Variants in ROBO2 observed in about 807,000 individuals in gnomAD.
The protein encoded by ROBO2 is roundabout guidance receptor 2, also known as roundabout homolog 2.
ROBO2 carries 53 observed loss-of-function variants against 160.8 expected under a neutral mutation model. The ratio of observed to expected loss-of-function variants is 0.33; its 90% CI spans 0.26 to 0.41. The LOEUF is 0.41. Among genes scored for constraint, ROBO2 ranks in the 10% least tolerant of loss-of-function variants. The probability of loss-of-function intolerance (pLI) is 1.00; values close to 1 mark genes in which losing one functional copy is unlikely to be tolerated. For missense variants in ROBO2, 1,577 were observed against 1,722.4 expected (o/e 0.92, Z 1.49); for synonymous variants, 664 against 611.7 (o/e 1.09, Z -1.26).
chr3:77,581,595 T>G (rs1027890101), intron 16 of ROBO2, among the ~76,000 whole-genome samples: 3 of 152,144 alleles, frequency 2.0e-5, no homozygotes, highest in African/African-American at 7.2e-5. Flanking sequence ...TGTTTCTGAT[T>G]TCTACTTTAA....
Position 77,308,532 on chromosome 3 carries a change from G to T in ROBO2, c.389-168882G>T, listed in dbSNP as rs144275750. ...GAGCCCTGGCAGGAGAAACAGAGGA[G>T]CATGGATGCTGGATACTAGACATCA... On this transcript the variant is annotated intron_variant, in intron 2 of 25. Coordinates refer to ENST00000461745, the Ensembl canonical transcript of ROBO2. Among the ~76,000 whole-genome samples the T allele has an allele frequency of 7.8e-4, 118 of 152,210 alleles. 1 individual carries two copies. The East Asian group carries it at 0.016, about 21-fold the overall frequency.
rs148210967 is a variant in ROBO2, at chr3:76,487,490, AC to A, written c.109+549889del. Among the ~76,000 whole-genome samples, 27 of 152,358 alleles carry A rather than the reference AC, an allele frequency of 1.8e-4. No homozygotes were observed. The East Asian group carries it at 5.2e-3, about 29-fold the overall frequency. The stretch of plus-strand genomic sequence containing the variant: ...TTCAACAATAAATGAATCTTCTAAT[AC>A]TTTAGTAAAACTTCTCAAATGGAGC... On this transcript the variant is annotated intron_variant, in intron 2 of 26. Coordinates refer to the ROBO2 transcript ENST00000487694.
intron 2 of ROBO2, among the ~76,000 whole-genome samples, chr3:76,840,642 A>ATT (rs1212459200): frequency 1.2e-4 from 7 of 58,736 alleles, no homozygotes; most frequent in Non-Finnish European, 1.9e-4. Context: ...TATTAATTAT[A>ATT]TTTTATATAT....
At chr3:76,703,103 A>G (rs1277028078) in intron 2 of ROBO2, among the ~76,000 whole-genome samples, 3 of 152,152 alleles carry the variant, frequency 2.0e-5, no homozygotes, top group African/African-American at 7.2e-5. Flanking sequence ...AAATTCCTTC[A>G]GTATATATCC....
rs1235323226 is a variant in ROBO2, at chr3:76,486,634, G to A, written c.109+549032G>A. ...TGACATTTGGCAAGGATCAGTGAGA[G>A]TCTTCTCAAATATTAGAAAAACCAA... On this transcript the variant is annotated intron_variant, in intron 2 of 26. Transcript: ENST00000487694. Among the ~76,000 whole-genome samples, 5 of 152,138 alleles carry A rather than the reference G, an allele frequency of 3.3e-5. No homozygotes were observed. The East Asian group carries it at 9.7e-4, about 29-fold the overall frequency.
chr3:76,655,030 G>A (rs2091439436), intron 2 of ROBO2, among the ~76,000 whole-genome samples: 1 of 150,274 alleles, frequency 6.7e-6, no homozygotes, highest in South Asian at 2.1e-4. Flanking sequence ...TGAGAATGTT[G>A]GTCCTTTCTA....
At chr3:76,263,364 C>A (rs1706889266) in intron 2 of ROBO2, among the ~76,000 whole-genome samples, 2 of 152,008 alleles carry the variant, frequency 1.3e-5, no homozygotes, top group African/African-American at 4.8e-5. Flanking sequence ...ATAGCTGTGA[C>A]TACAGGCATG....
intron 2 of ROBO2, among the ~76,000 whole-genome samples, chr3:76,069,432 T>A (rs1270100268): frequency 6.6e-6 from 1 of 152,162 alleles, no homozygotes; most frequent in African/African-American, 2.4e-5. Flanking sequence ...GACACTACAC[T>A]GGTATAATCC....
At chr3:76,765,777 TA>T (rs2061546923) in intron 2 of ROBO2, among the ~76,000 whole-genome samples, 2 of 151,686 alleles carry the variant, frequency 1.3e-5, no homozygotes, top group Admixed American at 1.3e-4. Context: ...GTCTGATTAC[TA>T]GTGTGTGAGA....
At chr3:76,878,066 T>G (rs371982480) in intron 2 of ROBO2, among the ~76,000 whole-genome samples, 2 of 152,150 alleles carry the variant, frequency 1.3e-5, no homozygotes, top group East Asian at 1.9e-4. Flanking sequence ...GCAGTGGCAT[T>G]AGGGATTAGA....
At chr3:77,557,551 A>G (rs547948422) in intron 8 of ROBO2, among the ~76,000 whole-genome samples, 1 of 152,082 alleles carries the variant, frequency 6.6e-6, no homozygotes, top group South Asian at 2.1e-4. Context: ...ACTTTCTTAA[A>G]TATGCATATG....
chr3:76,411,642 A>G (rs1005842719), intron 2 of ROBO2, among the ~76,000 whole-genome samples: 1 of 152,152 alleles, frequency 6.6e-6, no homozygotes, highest in Non-Finnish European at 1.5e-5. Flanking sequence ...CTCTCCCTCC[A>G]ACATTTAAGT....
At chr3:77,645,234 G>A (rs890288828) in intron 25 of ROBO2, among the ~76,000 whole-genome samples, 8 of 152,068 alleles carry the variant, frequency 5.3e-5, no homozygotes, top group African/African-American at 1.7e-4. Flanking sequence ...ATAAAGAAAT[G>A]GAGACACTGG....
At chr3:76,172,000 A>G (rs1037078469) in intron 2 of ROBO2, among the ~76,000 whole-genome samples, 5 of 152,102 alleles carry the variant, frequency 3.3e-5, no homozygotes, top group African/African-American at 1.2e-4. Context: ...GAGAAGGAAT[A>G]TATGACTCCA....
chr3:77,310,045 G>C (rs535409232), intron 2 of ROBO2, among the ~76,000 whole-genome samples: 1 of 151,976 alleles, frequency 6.6e-6, no homozygotes, highest in Non-Finnish European at 1.5e-5. Flanking sequence ...TTCTATGTAC[G>C]GTCTAACATG....
intron 2 of ROBO2, among the ~76,000 whole-genome samples, chr3:77,358,155 G>A (rs916656114): frequency 4.6e-5 from 7 of 152,142 alleles, no homozygotes; most frequent in Non-Finnish European, 1.0e-4. Context: ...GAATAATTCT[G>A]GAGTCTAGAA....
intron 6 of ROBO2, among the ~76,000 whole-genome samples, chr3:77,540,799 A>C (rs542319952): frequency 6.6e-6 from 1 of 152,110 alleles, no homozygotes; most frequent in South Asian, 2.1e-4. Flanking sequence ...TACTGGTTTT[A>C]CATCATTATG....
At chr3:76,419,438 ATCT>A (rs2075897496) in intron 2 of ROBO2, among the ~76,000 whole-genome samples, 1 of 148,226 alleles carries the variant, frequency 6.7e-6, no homozygotes, top group Non-Finnish European at 1.5e-5. Flanking sequence ...GGTTACAAAC[ATCT>A]TTTTTTTTTT....
intron 2 of ROBO2, among the ~76,000 whole-genome samples, chr3:76,836,353 T>A (rs2067687618): frequency 6.6e-6 from 1 of 151,770 alleles, no homozygotes; most frequent in Admixed American, 6.6e-5. Context: ...CCTGCTTTTT[T>A]AACATGCTTA....
Sources: allele counts gnomAD v4.1 joint callset (sites outside exome capture counted in the v4.1 genomes callset), GRCh38; gene constraint gnomAD v4.1.1; transcripts MANE v1.5; gene names NCBI Gene and HGNC (gene_info 2026-07-23, HGNC 2026-07-21).